The following TRAPPC9 variants were observed in gnomAD, a reference collection of about 807,000 sequenced individuals.
TRAPPC9 encodes the protein IKK2 binding protein.
Under a neutral mutation model 124.0 loss-of-function variants are expected in TRAPPC9, and 83 were observed. That is an observed-to-expected ratio of 0.67 (90% CI 0.56 to 0.80). The LOEUF (loss-of-function observed/expected upper bound fraction) is 0.80. Ranked by LOEUF, TRAPPC9 falls within the 30% of genes least tolerant of loss-of-function variation. TRAPPC9 has a pLI of 0.00. For missense variants in TRAPPC9, 1,302 were observed against 1,508.3 expected (o/e 0.86, Z 2.27); for synonymous variants, 638 against 617.5 (o/e 1.03, Z -0.49).
chr8:140,260,087 T>A (rs1396455428), intron 15 of TRAPPC9, among the ~76,000 whole-genome samples: 1 of 152,182 alleles, frequency 6.6e-6, no homozygotes, highest in Non-Finnish European at 1.5e-5. Flanking sequence ...TTTTTGACGA[T>A]AAGTATACAT....
rs113448020 is a variant in TRAPPC9 at position 139,889,924 on chromosome 8, C to T, written c.2965-3955G>A. On this transcript the variant is annotated intron_variant, in intron 20 of 22. Transcript: ENST00000438773. ...ATTTTGCGTCAGTGGCCATTTCCTC[C>T]CTCAGCAGTCAGGCTGCATCTCCAT... 1.3e-3 allele frequency among the ~76,000 whole-genome samples: 193 copies of T among 152,324 alleles called. 1 individual carries two copies. The highest frequency in any genetic ancestry group is 4.4e-3 in the African/African-American group (182 of 41,576).
chr8:140,033,817 G>A (rs1484227594), intron 17 of TRAPPC9, among the ~76,000 whole-genome samples: 1 of 151,720 alleles, frequency 6.6e-6, no homozygotes, highest in Admixed American at 6.6e-5. Flanking sequence ...GAGTAGCTGG[G>A]ATTACAGAGG....
chr8:140,272,370 G>GGGT (rs1003019872), intron 15 of TRAPPC9, among the ~76,000 whole-genome samples: 1 of 81,468 alleles, frequency 1.2e-5, no homozygotes, highest in Admixed American at 1.1e-4. Flanking sequence ...GTGGTAGTGA[G>GGGT]GGTGGTGGTG....
At chr8:139,863,518 T>A (rs1563872741) in intron 21 of TRAPPC9, among the ~76,000 whole-genome samples, 1 of 152,228 alleles carries the variant, frequency 6.6e-6, no homozygotes, top group African/African-American at 2.4e-5. Context: ...CCTTGAGCAC[T>A]GTAACAGGTC....
intron 21 of TRAPPC9, among the ~76,000 whole-genome samples, chr8:139,885,659 G>A (rs572898297): frequency 1.3e-5 from 2 of 152,320 alleles, no homozygotes; most frequent in South Asian, 2.1e-4. Context: ...CACTGTCACC[G>A]GAGTGCTGAG....
At chr8:140,032,941 T>C (rs1054952574) in intron 17 of TRAPPC9, among the ~76,000 whole-genome samples, 2 of 152,208 alleles carry the variant, frequency 1.3e-5, no homozygotes, top group Non-Finnish European at 2.9e-5. Flanking sequence ...AGGTGAAGAA[T>C]CTCAATGTAG....
chr8:139,819,242 T>A (rs143326972), intron 21 of TRAPPC9, among the ~76,000 whole-genome samples: 1 of 152,078 alleles, frequency 6.6e-6, no homozygotes, highest in Non-Finnish European at 1.5e-5. Context: ...TCTCCCATCA[T>A]CCCCAGATGG....
chr8:139,845,519 A>AT (rs1352302530), intron 21 of TRAPPC9, among the ~76,000 whole-genome samples: 8 of 152,184 alleles, frequency 5.3e-5, no homozygotes, highest in Non-Finnish European at 1.0e-4. Flanking sequence ...TTCCCTTGCA[A>AT]TTGGGTATGG....
At chr8:139,771,191 C>T (rs1460491343) in intron 21 of TRAPPC9, among the ~76,000 whole-genome samples, 1 of 152,142 alleles carries the variant, frequency 6.6e-6, no homozygotes, top group African/African-American at 2.4e-5. Context: ...AGACTGGCTC[C>T]CAGAAAACTC....
In TRAPPC9 at chr8:140,105,523, G is replaced by A. The variant is rs537422829; in HGVS notation, c.2557-81444C>T. 6.6e-5 allele frequency among the ~76,000 whole-genome samples: 10 copies of A among 152,278 alleles called. No individual in the cohort carries two copies. The East Asian group carries it at 1.4e-3, about 21-fold the overall frequency. On this transcript the variant is annotated intron_variant, in intron 17 of 22. Transcript: ENST00000438773. The stretch of plus-strand genomic sequence containing the variant: ...ACCTGCTTAGGAGAGAAAGCAGAGC[G>A]CCATGTGTATAAACCCTCCTGACGT...
intron 21 of TRAPPC9, among the ~76,000 whole-genome samples, chr8:139,757,349 C>T (rs1476275362): frequency 2.9e-5 from 4 of 139,314 alleles, no homozygotes; most frequent in South Asian, 4.6e-4. Flanking sequence ...GACAGCAGGT[C>T]GCAGGAGGAG....
At chr8:140,231,054 G>A (rs78475759) in intron 16 of TRAPPC9, among the ~76,000 whole-genome samples, 2,891 of 152,320 alleles carry the variant, frequency 0.019, 81 homozygotes, top group African/African-American at 0.063. Context: ...CAGGAAGCCT[G>A]CATTTAAAGT....
chr8:140,361,464 G>C (rs2067951832), intron 8 of TRAPPC9, among the ~76,000 whole-genome samples: 1 of 152,238 alleles, frequency 6.6e-6, no homozygotes, highest in South Asian at 2.1e-4. Flanking sequence ...GTAAAACGGA[G>C]ACAGTAGTCG....
chr8:139,957,589 A>G (rs2927053), intron 19 of TRAPPC9, among the ~76,000 whole-genome samples: 135,979 of 152,182 alleles, frequency 0.89, 60,895 homozygotes, highest in Middle Eastern at 0.99. Context: ...CAGTACACAG[A>G]GCTGTGCTCT....
chr8:140,400,128 G>C lies in TRAPPC9; in HGVS notation c.1009-2383C>G, dbSNP rs140934024. ...GAGGCTTCCCCAGCCACACAGAACT[G>C]TAAGTCCAATTAAACCTCTTTCTTT... On this transcript the variant is annotated intron_variant, in intron 6 of 22. Coordinates refer to ENST00000438773, the MANE Select transcript of TRAPPC9 (RefSeq NM_001160372.4). Among the ~76,000 whole-genome samples the C allele has an allele frequency of 6.4e-3, 982 of 152,300 alleles. 9 individuals carry two copies. The highest frequency in any genetic ancestry group is 0.022 in the African/African-American group (926 of 41,566).
intron 15 of TRAPPC9, among the ~76,000 whole-genome samples, chr8:140,256,873 G>A (rs2064277660): frequency 6.6e-6 from 1 of 152,262 alleles, no homozygotes; most frequent in East Asian, 1.9e-4. Flanking sequence ...TTAGGACAGG[G>A]CACGGTGCCC....
At chr8:140,373,141 C>T (rs1316224460) in intron 7 of TRAPPC9, among the ~76,000 whole-genome samples, 1 of 152,216 alleles carries the variant, frequency 6.6e-6, no homozygotes, top group Non-Finnish European at 1.5e-5. Flanking sequence ...GCAGAGGATA[C>T]AGCAGTGAGC....
chr8:140,144,945 C>A (rs2061435460), intron 17 of TRAPPC9, among the ~76,000 whole-genome samples: 1 of 152,090 alleles, frequency 6.6e-6, no homozygotes, highest in Admixed American at 6.5e-5. Context: ...GCGATCTCTG[C>A]TCACTGCAAC....
chr8:140,424,329 G>A (rs1458732280), intron 5 of TRAPPC9, among the ~76,000 whole-genome samples: 2 of 151,064 alleles, frequency 1.3e-5, no homozygotes, highest in South Asian at 2.1e-4. Flanking sequence ...GAATGTACAC[G>A]AAATGTTTAG....
Sources: gnomAD v4.1 joint callset for allele counts (sites outside exome capture counted in the v4.1 genomes callset) on GRCh38, gnomAD v4.1.1 for gene constraint, MANE v1.5 for transcripts, NCBI Gene and HGNC (gene_info 2026-07-23, HGNC 2026-07-21) for gene names.